The following DZIP1 variants were observed in gnomAD, a reference collection of about 807,000 sequenced individuals.
The protein encoded by DZIP1 is DAZ interacting zinc finger protein 1.
Under a neutral mutation model 107.6 loss-of-function variants are expected in DZIP1, and 97 were observed. The ratio of observed to expected loss-of-function variants is 0.90; its 90% CI spans 0.77 to 1.07. The LOEUF (loss-of-function observed/expected upper bound fraction) is 1.07. Ranked by LOEUF, DZIP1 falls within the 50% of genes least tolerant of loss-of-function variation. DZIP1 has a pLI of 0.00. For missense variants in DZIP1, 1,035 were observed against 1,063.6 expected, an observed-to-expected ratio of 0.97 and a Z score of 0.37; for synonymous variants, 390 against 386.4, an observed-to-expected ratio of 1.01 and a Z score of -0.11.
intron 15 of DZIP1, among the ~76,000 whole-genome samples, 160 bp from the exon 16 acceptor site, chr13:95,594,246 G>A (rs2044384366): frequency 6.6e-6 from 1 of 152,142 alleles, no homozygotes; most frequent in South Asian, 2.1e-4. Flanking sequence ...AATACAGAAT[G>A]CTTAAGTTAT....
intron 9 of DZIP1, 34 bp from the exon 10 acceptor site, chr13:95,619,981 C>A: frequency 6.2e-7 from 1 of 1,608,844 alleles, no homozygotes. Context: ...TTATGTACAA[C>A]TGTAACAATG....
intron 6 of DZIP1, 64 bp from the exon 7 acceptor site, chr13:95,630,177 G>T: frequency 4.5e-6 from 7 of 1,544,786 alleles, no homozygotes; most frequent in Non-Finnish European, 6.1e-6. Flanking sequence ...AAACTTATGG[G>T]GTACAGTCCT....
At chr13:95,613,192 C>A (rs964178419) in intron 10 of DZIP1, among the ~76,000 whole-genome samples, 24 of 152,228 alleles carry the variant, frequency 1.6e-4, no homozygotes, top group African/African-American at 5.1e-4. Flanking sequence ...GTTGTTTAAA[C>A]ACAGAAGGCT....
chr13:95,638,680 A>G (rs544771758), intron 5 of DZIP1, among the ~76,000 whole-genome samples: 3 of 151,960 alleles, frequency 2.0e-5, no homozygotes, highest in Non-Finnish European at 2.9e-5. Context: ...CCATGGGGGA[A>G]AAAACCCATT....
chr13:95,635,885 C>A (rs922434571), intron 5 of DZIP1, among the ~76,000 whole-genome samples: 1 of 148,970 alleles, frequency 6.7e-6, no homozygotes, highest in African/African-American at 2.5e-5. Context: ...GGAGAGGATG[C>A]AAACACACCA....
In DZIP1 at chr13:95,594,002, A is replaced by G. The variant is rs774719173; in HGVS notation, c.1622T>C (p.Leu541Pro). 4.3e-6 allele frequency: 7 copies of G among 1,612,602 alleles called. No homozygotes were observed. Among genetic ancestry groups the G allele is most frequent in the East Asian group, 2.2e-5 (1 of 44,758 alleles). ...LKSNSSLTKG[L>P]RTMVEQNLME... ...CAAGTTCTGCTCCACCATTGTTCTT[A>G]GTCCCTTAGTGAGGGAGGAGTTACT... Residue 541 changes from leucine (L) to proline (P), a missense_variant, in exon 16 of 23, where the codon CTA (leucine) becomes CCA (proline). By Grantham distance (98) the Leu-to-Pro change is moderately conservative. Transcript: ENST00000376829.
In DZIP1 at chr13:95,584,810, G is replaced by A. The variant is rs149105659; in HGVS notation, c.2450C>T (p.Ala817Val). 3.5e-5 allele frequency: 56 copies of A among 1,613,922 alleles called. No individual in the cohort carries two copies. Among genetic ancestry groups the A allele is most frequent in the South Asian group, 2.2e-4 (20 of 91,076 alleles). Residue 817 changes from alanine to valine, a missense_variant, in exon 22 of 23, where the codon GCG becomes GTG. By Grantham distance (64) the Ala-to-Val change is moderately conservative. Transcript: ENST00000376829. ...SGKEQKEPPP[A>V]KNEPHFAHVL... is the part of the protein sequence containing the mutation. Reference sequence around the variant, plus strand: ...ATGAGCAAAATGTGGTTCATTTTTCGCAGGTGGAGGTTCCTTCTGTTCTTT... The same window carrying A: ...ATGAGCAAAATGTGGTTCATTTTTCACAGGTGGAGGTTCCTTCTGTTCTTT...
intron 14 of DZIP1, 80 bp from the exon 15 acceptor site, chr13:95,599,504 AG>A (rs2044551972): frequency 3.2e-6 from 4 of 1,252,518 alleles, no homozygotes; most frequent in Admixed American, 1.7e-5. Flanking sequence ...TGATTTTGAA[AG>A]ATATCATTCC....
chr13:95,587,627 G>A lies in DZIP1; in HGVS notation c.2130C>T (p.Gly710=). The change falls in exon 20 of 23, where the codon GGC becomes GGT. Residue 710 remains glycine (G), a synonymous_variant. Transcript: ENST00000376829. Reference sequence around the variant, plus strand: ...TTTTCACTGTGTTCTTCCCGAAGCTGCCCTTGTTTTGTGGTGGCGGCACAG... The same window carrying A: ...TTTTCACTGTGTTCTTCCCGAAGCTACCCTTGTTTTGTGGTGGCGGCACAG... The part of the protein sequence containing the change: ...PLPVPPPQNK[G]SFGKNTVKSD... 6.2e-7 allele frequency: 1 copy of A among 1,614,172 alleles called. No homozygotes were observed. Among genetic ancestry groups the A allele is most frequent in the Non-Finnish European group, 8.5e-7 (1 of 1,180,042 alleles).
intron 8 of DZIP1, among the ~76,000 whole-genome samples, chr13:95,624,196 G>C (rs1055831553): frequency 6.6e-6 from 1 of 152,222 alleles, no homozygotes; most frequent in African/African-American, 2.4e-5. Flanking sequence ...CTCAGGTCAA[G>C]TCTAACCAGG....
intron 22 of DZIP1, among the ~76,000 whole-genome samples, chr13:95,584,222 G>A (rs930494515): frequency 3.3e-5 from 5 of 149,990 alleles, no homozygotes; most frequent in Admixed American, 6.6e-5. Context: ...TGATCTGCCC[G>A]CCTTGGCCTC....
At position 95,641,477 on chromosome 13, in the gene DZIP1, T is replaced by C. The variant is rs1878489922; in HGVS notation, c.415A>G (p.Thr139Ala). 1 of 1,613,942 alleles carries C rather than the reference T, an allele frequency of 6.2e-7. No homozygotes were observed. Among genetic ancestry groups the C allele is most frequent in the Non-Finnish European group, 8.5e-7 (1 of 1,179,994 alleles). ...EYLLHSQEFL[T>A]SQLHTLEERL... ...TCCTCCAGGGTGTGCAGCTGCGAGG[T>C]GAGGAACTCTTGTGAGTGCAGCAAG... is the stretch of plus-strand genomic sequence containing the variant. The change falls in exon 5 of 23, where the codon ACC becomes GCC. Residue 139 changes from threonine to alanine, a missense_variant. By Grantham distance (58) the Thr-to-Ala change is moderately conservative. Coordinates refer to ENST00000376829, the MANE Select transcript of DZIP1 (RefSeq NM_198968.4). This position sits in a 1 kb window ranked among gnomAD's most constrained non-coding sequence, Gnocchi z 4.3.
At chr13:95,588,465 C>A (rs2044223313) in intron 19 of DZIP1, among the ~76,000 whole-genome samples, 1 of 152,210 alleles carries the variant, frequency 6.6e-6, no homozygotes, top group Admixed American at 6.5e-5. Flanking sequence ...ATTAGTCTTA[C>A]TCATAATTAG....
chr13:95,606,228 A>G (rs937280352), intron 13 of DZIP1, among the ~76,000 whole-genome samples, 169 bp from the exon 14 acceptor site: 7 of 152,266 alleles, frequency 4.6e-5, no homozygotes, highest in African/African-American at 1.7e-4. Context: ...ACTTATATTC[A>G]TAACAGCTTT....
chr13:95,605,860 C>A (rs868269390), intron 14 of DZIP1, 143 bp downstream of exon 14: 9 of 754,994 alleles, frequency 1.2e-5, no homozygotes, highest in South Asian at 3.6e-5. Flanking sequence ...ATGAAGACTG[C>A]AGTTTTAATA....
chr13:95,612,913 A>G (rs771048175), intron 10 of DZIP1, among the ~76,000 whole-genome samples: 16 of 152,036 alleles, frequency 1.1e-4, no homozygotes, highest in Non-Finnish European at 1.6e-4. Flanking sequence ...ATTCCCAGAA[A>G]CTAGCACAAT....
chr13:95,598,577 C>A (rs1028095029), intron 15 of DZIP1, among the ~76,000 whole-genome samples: 6 of 151,986 alleles, frequency 3.9e-5, no homozygotes, highest in South Asian at 4.2e-4. Context: ...ACTTCTTTTC[C>A]TGACAAAAAT....
Position 95,641,745 on chromosome 13 carries a change from G to C in DZIP1, c.147C>G (p.Ser49Arg), listed in dbSNP as rs1476083228. The change falls in exon 5 of 23, where the codon AGC (serine) becomes AGG (arginine). Residue 49 changes from serine (S) to arginine (R), a missense_variant. Coordinates refer to ENST00000376829, the MANE Select transcript of DZIP1 (RefSeq NM_198968.4). This position sits in a 1 kb window ranked among gnomAD's most constrained non-coding sequence, Gnocchi z 4.3. The stretch of plus-strand genomic sequence containing the variant: ...AGAAGGGCAGGGGCCCCGAAGCCGC[G>C]CTGGGGGGCGCACAGGCCATGGAGG... ...GAASMACAPP[S>R]AASGPLPFFQ... is the part of the protein sequence containing the mutation. The C allele has an allele frequency of 3.8e-6, 6 of 1,589,406 alleles. No individual in the cohort carries two copies. Among genetic ancestry groups the C allele is most frequent in the South Asian group, 1.1e-5 (1 of 89,222 alleles).
At chr13:95,609,664 T>C in intron 12 of DZIP1, 151 bp from the exon 13 acceptor site, 1 of 456,526 alleles carries the variant, frequency 2.2e-6, no homozygotes, top group Non-Finnish European at 3.9e-6. Flanking sequence ...ATGTGTAACA[T>C]ACATCTTTTT....
Sources: gnomAD v4.1 joint callset for allele counts (sites outside exome capture counted in the v4.1 genomes callset) on GRCh38, gnomAD v4.1.1 for gene constraint, Gnocchi (gnomAD v3.1) non-coding constraint, MANE v1.5 for transcripts, NCBI Gene and HGNC (gene_info 2026-07-23, HGNC 2026-07-21) for gene names.